RNF150: variants seen among roughly 807,000 people sequenced by gnomAD.
RNF150 encodes ring finger protein 150.
In RNF150, 24 loss-of-function variants were observed where a neutral mutation model predicts 39.3. That is an observed-to-expected ratio of 0.61 (90% CI 0.44 to 0.86). RNF150 has a LOEUF of 0.86. Among genes scored for constraint, RNF150 ranks in the 40% least tolerant of loss-of-function variants. RNF150 has a pLI of 0.00. For synonymous variants in RNF150, 255 were observed against 227.3 expected, an observed-to-expected ratio of 1.12 and a Z score of -1.10; for missense variants, 502 against 587.8, an observed-to-expected ratio of 0.85 and a Z score of 1.51.
chr4:140,959,628 G>C (rs191882951), intron 2 of RNF150, among the ~76,000 whole-genome samples: 1 of 152,132 alleles, frequency 6.6e-6, no homozygotes. Context: ...CGAGTGAAGA[G>C]GGTGGCTGTG....
At chr4:141,190,393 G>A (rs2111201274) in intron 1 of RNF150, among the ~76,000 whole-genome samples, 2 of 152,270 alleles carry the variant, frequency 1.3e-5, no homozygotes, top group Non-Finnish European at 2.9e-5. Context: ...CTTTGAAAAA[G>A]TAAGCTGCCA....
Position 140,867,925 on chromosome 4 carries a change from G to C in RNF150, c.*336C>G. 1 of 214,732 alleles carries C rather than the reference G, an allele frequency of 4.7e-6. No homozygotes were observed. Among genetic ancestry groups the C allele is most frequent in the Non-Finnish European group, 9.1e-6 (1 of 109,678 alleles). 13.3% of individuals were successfully genotyped at this position (214,732 alleles called of 1,614,324 possible). ...AACATGCCAAAAACAAGAATGATGAGACATGGAAAGAATTGAAATGAAACT... is the reference window on the plus strand; with the variant it reads ...AACATGCCAAAAACAAGAATGATGACACATGGAAAGAATTGAAATGAAACT... On this transcript the variant is annotated 3_prime_UTR_variant, in exon 7 of 7. Transcript: ENST00000515673.
chr4:140,943,980 A>G (rs1732190130), intron 4 of RNF150, among the ~76,000 whole-genome samples: 2 of 152,194 alleles, frequency 1.3e-5, no homozygotes, highest in African/African-American at 4.8e-5. Flanking sequence ...TTGGTTTAAA[A>G]CAATGGCAAA....
At chr4:141,051,627 C>G (rs187926658) in intron 1 of RNF150, among the ~76,000 whole-genome samples, 220 of 152,334 alleles carry the variant, frequency 1.4e-3, no homozygotes, top group Non-Finnish European at 2.3e-3. Flanking sequence ...GGCACCTTTG[C>G]TCCAGTTCTC....
In RNF150 at chr4:140,913,865, G is replaced by A. The variant is rs138972312; in HGVS notation, c.988-2511C>T. 3.4e-3 allele frequency among the ~76,000 whole-genome samples: 522 copies of A among 152,282 alleles called. 6 individuals are homozygous for A. Among genetic ancestry groups the A allele is most frequent in the African/African-American group, 0.012 (499 of 41,566 alleles). On this transcript the variant is annotated intron_variant, in intron 5 of 6. Transcript: ENST00000515673. Reference sequence around the variant, plus strand: ...ATCTGCCCTAAATCAATTAAGGGAGGATTTGAGAAAATACTTGAAAAACTG... The same window carrying A: ...ATCTGCCCTAAATCAATTAAGGGAGAATTTGAGAAAATACTTGAAAAACTG...
At chr4:141,062,486 A>C (rs545940442) in intron 1 of RNF150, among the ~76,000 whole-genome samples, 1 of 152,114 alleles carries the variant, frequency 6.6e-6, no homozygotes, top group Non-Finnish European at 1.5e-5. Context: ...TACCACTTAG[A>C]GGCAGCACCT....
intron 3 of RNF150, among the ~76,000 whole-genome samples, chr4:140,948,800 G>A (rs1211081899): frequency 1.3e-5 from 2 of 152,148 alleles, no homozygotes; most frequent in Non-Finnish European, 1.5e-5. Context: ...CATTTATACT[G>A]TAGACAAGTG....
rs565655837 is a variant in RNF150 at position 141,087,941 on chromosome 4, C to A, written c.484+44384G>T. Among the ~76,000 whole-genome samples, 49 of 152,182 alleles carry A rather than the reference C, an allele frequency of 3.2e-4. No individual in the cohort carries two copies. In the South Asian group the frequency reaches 5.2e-3, roughly 16 times the overall value. ...GAGTCCCAGCAGTGGCGGGCAATGT[C>A]CCTTCATTTGAGGACATGTGCCTGC... is the stretch of plus-strand genomic sequence containing the variant. On this transcript the variant is annotated intron_variant, in intron 1 of 6. Transcript: ENST00000515673.
chr4:140,908,698 C>T (rs1478415832), intron 6 of RNF150, among the ~76,000 whole-genome samples: 2 of 152,098 alleles, frequency 1.3e-5, no homozygotes, highest in African/African-American at 2.4e-5. Context: ...TTAGGGATTA[C>T]AAATTATATG....
At chr4:140,976,007 T>C (rs1408038255) in intron 1 of RNF150, among the ~76,000 whole-genome samples, 1 of 152,166 alleles carries the variant, frequency 6.6e-6, no homozygotes, top group Non-Finnish European at 1.5e-5. Context: ...AGTTAACAAA[T>C]TCCCTAACAG....
chr4:141,206,615 T>C (rs1344045261), intron 1 of RNF150, among the ~76,000 whole-genome samples: 13 of 152,010 alleles, frequency 8.6e-5, no homozygotes, highest in Admixed American at 6.6e-5. Flanking sequence ...AGTTGTGTGA[T>C]TGCCCTAATC....
chr4:141,094,208 A>C (rs557854105), intron 1 of RNF150, among the ~76,000 whole-genome samples: 1 of 152,352 alleles, frequency 6.6e-6, no homozygotes, highest in East Asian at 1.9e-4. Context: ...CAATATCCTC[A>C]GGTAATAACT....
rs1186254740 is a variant in RNF150, at chr4:140,969,685, A to AT, written c.485-1813dup. ...TGTTTACTTAAAGCTCTAGAAGTACATTTTTTTTTTTGGGACAGGATCTTG... is the reference window on the plus strand; with the variant it reads ...TGTTTACTTAAAGCTCTAGAAGTACATTTTTTTTTTTTGGGACAGGATCTTG... On this transcript the variant is annotated intron_variant, in intron 1 of 6. Transcript: ENST00000515673. Among the ~76,000 whole-genome samples the AT allele has an allele frequency of 8.5e-3, 972 of 114,128 alleles. 4 individuals carry two copies. The highest frequency in any genetic ancestry group is 0.03 in the African/African-American group (847 of 28,358). The allele number at this position is 114,128 out of a possible 152,430, so 74.9% of individuals were successfully genotyped here.
At chr4:141,186,502 C>A (rs1177479589) in intron 1 of RNF150, among the ~76,000 whole-genome samples, 1 of 152,046 alleles carries the variant, frequency 6.6e-6, no homozygotes, top group Non-Finnish European at 1.5e-5. Flanking sequence ...GGGTTCGTGC[C>A]ATTCTCCTGC....
chr4:140,944,074 T>C (rs1452543048), intron 4 of RNF150, among the ~76,000 whole-genome samples: 2 of 152,102 alleles, frequency 1.3e-5, no homozygotes, highest in Non-Finnish European at 2.9e-5. Context: ...CAGGCTGAAA[T>C]GAATAATCCC....
intron 1 of RNF150, among the ~76,000 whole-genome samples, chr4:141,165,143 C>T (rs1395552085): frequency 6.6e-6 from 1 of 152,056 alleles, no homozygotes; most frequent in African/African-American, 2.4e-5. Context: ...GCAGGGGTTG[C>T]AATCCTAGTC....
rs566284386 is a variant in RNF150, at chr4:141,013,989, C to T, written c.485-46116G>A. On this transcript the variant is annotated intron_variant, in intron 1 of 6. Transcript: ENST00000515673. ...CAACAACTCCCCATTCCCTCCCTCC[C>T]CTGAGCCCCCAGCCCAGCCACTGGT... 2.6e-5 allele frequency among the ~76,000 whole-genome samples: 4 copies of T among 152,286 alleles called. No homozygotes were observed. In the South Asian group the frequency reaches 8.3e-4, roughly 32 times the overall value.
chr4:140,866,774 C>T lies in RNF150; in HGVS notation c.*1487G>A, dbSNP rs928718074. On this transcript the variant is annotated 3_prime_UTR_variant, in exon 7 of 7. Transcript: ENST00000515673. ...CAAGCCGCAGCCTGGTGTTTGCCAGCTGTGTAGAGATAAGGTGATCCGTCT... is the reference window on the plus strand; with the variant it reads ...CAAGCCGCAGCCTGGTGTTTGCCAGTTGTGTAGAGATAAGGTGATCCGTCT... 6.6e-6 allele frequency: 1 copy of T among 152,308 alleles called. No homozygotes were observed. The highest frequency in any genetic ancestry group is 6.5e-5 in the Admixed American group (1 of 15,302). 9.4% of individuals were successfully genotyped at this position (152,308 alleles called of 1,614,324 possible).
intron 5 of RNF150, among the ~76,000 whole-genome samples, chr4:140,925,429 T>C (rs909083766): frequency 2.0e-5 from 3 of 152,192 alleles, no homozygotes; most frequent in Non-Finnish European, 4.4e-5. Context: ...AACTAAGTGC[T>C]AGCATTAAGT....
Sources: allele counts gnomAD v4.1 joint callset (sites outside exome capture counted in the v4.1 genomes callset), GRCh38; gene constraint gnomAD v4.1.1; transcripts MANE v1.5; gene names NCBI Gene and HGNC (gene_info 2026-07-23, HGNC 2026-07-21).